The following RELN variants were observed in gnomAD, a reference collection of about 807,000 sequenced individuals.
The protein encoded by RELN is reelin.
In RELN, 108 loss-of-function variants were observed where a neutral mutation model predicts 427.6. That is an observed-to-expected ratio of 0.25 (90% CI 0.22 to 0.30). The LOEUF is 0.30. Ranked by LOEUF, RELN falls within the 10% of genes least tolerant of loss-of-function variation. The probability of loss-of-function intolerance (pLI) is 1.00; values close to 1 mark genes in which losing one functional copy is unlikely to be tolerated. For synonymous variants in RELN, 1,524 were observed against 1,513.4 expected (o/e 1.01, Z -0.16); for missense variants, 3,715 against 4,302.8 (o/e 0.86, Z 3.82).
At position 103,573,870 on chromosome 7, in the gene RELN, T is replaced by A; in HGVS notation, c.4511+222A>T. ...TGGCATACCCTAGACACACAGGCCT[T>A]GGTGATGACCACACATGGATTTATG... On this transcript the variant is annotated intron_variant, in intron 30 of 64. Coordinates refer to ENST00000428762, the MANE Select transcript of RELN (RefSeq NM_005045.4). This position sits in a 1 kb window ranked among gnomAD's most constrained non-coding sequence, Gnocchi z 4.4. 6.6e-6 allele frequency among the ~76,000 whole-genome samples: 1 copy of A among 152,158 alleles called. No individual in the cohort carries two copies. Among genetic ancestry groups the A allele is most frequent in the Non-Finnish European group, 1.5e-5 (1 of 68,026 alleles).
At chr7:103,698,975 A>G (rs988845297) in intron 9 of RELN, among the ~76,000 whole-genome samples, 1 of 152,222 alleles carries the variant, frequency 6.6e-6, no homozygotes, top group African/African-American at 2.4e-5. Context: ...CCATAATTAA[A>G]TGCTCTCACT....
intron 26 of RELN, 104 bp downstream of exon 26, chr7:103,594,217 T>C (rs1406892551): frequency 7.0e-6 from 8 of 1,145,330 alleles, no homozygotes; most frequent in Non-Finnish European, 1.1e-5. Context: ...TAAACTTATA[T>C]TATACATTCA....
chr7:103,604,592 G>T, intron 22 of RELN, 109 bp from the exon 23 acceptor site: 3 of 1,050,872 alleles, frequency 2.9e-6, no homozygotes, highest in African/African-American at 1.6e-5. Context: ...TCTGGAACTT[G>T]AGCTTAGCTG....
At chr7:103,945,948 G>T (rs1320009425) in intron 1 of RELN, among the ~76,000 whole-genome samples, 1 of 152,184 alleles carries the variant, frequency 6.6e-6, no homozygotes, top group Admixed American at 6.5e-5. Context: ...ATCTAAGTTT[G>T]TAAGTGCCGT....
intron 40 of RELN, among the ~76,000 whole-genome samples, chr7:103,552,744 C>T (rs1242628130): frequency 1.3e-5 from 2 of 152,052 alleles, no homozygotes; most frequent in African/African-American, 4.8e-5. Flanking sequence ...TCATGATCTG[C>T]CTGCCTTGGC....
intron 1 of RELN, among the ~76,000 whole-genome samples, chr7:103,936,215 C>A (rs1795980879): frequency 6.6e-6 from 1 of 151,928 alleles, no homozygotes; most frequent in African/African-American, 2.4e-5. Context: ...GCCTCAGCCA[C>A]CCAAGTAGCT....
At chr7:103,801,040 T>C (rs916963094) in intron 3 of RELN, among the ~76,000 whole-genome samples, 12 of 152,106 alleles carry the variant, frequency 7.9e-5, no homozygotes, top group East Asian at 1.9e-4. Context: ...GATACCATCT[T>C]ACACCAGTTA....
At chr7:103,922,768 T>C (rs1028164114) in intron 1 of RELN, among the ~76,000 whole-genome samples, 1 of 152,188 alleles carries the variant, frequency 6.6e-6, no homozygotes, top group Non-Finnish European at 1.5e-5. Context: ...AATTTAGACA[T>C]TTAATGATGT....
chr7:103,965,588 A>T (rs1440722429), intron 1 of RELN, among the ~76,000 whole-genome samples: 1 of 152,194 alleles, frequency 6.6e-6, no homozygotes, highest in Admixed American at 6.5e-5. Context: ...TGGTATCTTC[A>T]AGGCTTGGAC....
rs1830981074 is a variant in RELN, at chr7:103,575,647, C to T, written c.4204G>A (p.Gly1402Ser). 1.9e-6 allele frequency: 3 copies of T among 1,613,876 alleles called. No homozygotes were observed. The highest frequency in any genetic ancestry group is 8.5e-7 in the Non-Finnish European group (1 of 1,179,906). ...TCGGATATGTACACTCCATCTAAACCAAATGGAGGCACGTTTTTCTGTGAG... is the reference window on the plus strand; with the variant it reads ...TCGGATATGTACACTCCATCTAAACTAAATGGAGGCACGTTTTTCTGTGAG... ...SSSQKNVPPFGLDGVYISEPC... is the reference protein window; with the variant it reads ...SSSQKNVPPFSLDGVYISEPC... The change falls in exon 29 of 65, where the codon GGT becomes AGT. Residue 1402 changes from glycine to serine, a missense_variant. This residue lies in a region of RELN where 2,208 missense variants were observed against 2,361.7 expected (regional missense o/e 0.93). Transcript: ENST00000428762.
At chr7:103,474,006 AG>A (rs1215387631) in intron 64 of RELN, among the ~76,000 whole-genome samples, 1 of 152,088 alleles carries the variant, frequency 6.6e-6, no homozygotes, top group African/African-American at 2.4e-5. Flanking sequence ...AGGGTAGGAG[AG>A]GGGGGAAAGG....
intron 2 of RELN, among the ~76,000 whole-genome samples, chr7:103,876,506 GTTA>G (rs1424125874): frequency 8.9e-6 from 1 of 111,832 alleles, no homozygotes; most frequent in African/African-American, 2.8e-5. Flanking sequence ...TATCAAATAT[GTTA>G]TTACTAACAT....
At position 103,589,760 on chromosome 7, in the gene RELN, A is replaced by G. The variant is rs1396366680; in HGVS notation, c.3981T>C (p.Ala1327=). Residue 1327 remains alanine (A), a synonymous_variant, in exon 28 of 65, where the codon GCT becomes GCC. Coordinates refer to ENST00000428762, the MANE Select transcript of RELN (RefSeq NM_005045.4). ...CTTTCACCAGAAACCAGGACATACC[A>G]GCATCATGAGAGTACTGAAGAAGAA... ...APVLLQYSHD[A]GMSWFLVKEG... is the part of the protein sequence containing the mutation. 1.9e-6 allele frequency: 3 copies of G among 1,613,920 alleles called. No homozygotes were observed. The highest frequency in any genetic ancestry group is 2.5e-6 in the Non-Finnish European group (3 of 1,179,758).
chr7:103,671,858 T>G (rs1386396062), intron 11 of RELN, among the ~76,000 whole-genome samples: 6 of 152,162 alleles, frequency 3.9e-5, no homozygotes, highest in Non-Finnish European at 8.8e-5. Flanking sequence ...TTGTTTTACT[T>G]TAATAAAAGT....
chr7:103,652,264 T>TC (rs1399613658), intron 14 of RELN, among the ~76,000 whole-genome samples: 2 of 151,514 alleles, frequency 1.3e-5, no homozygotes, highest in African/African-American at 4.9e-5. Context: ...TTTTTTTTTT[T>TC]TCTCTCTTAG....
intron 4 of RELN, among the ~76,000 whole-genome samples, chr7:103,773,100 TTTTCTTTC>T (rs550940718): frequency 0.099 from 12,704 of 128,438 alleles, 664 homozygotes; most frequent in Middle Eastern, 0.13. Flanking sequence ...GGTTCTCCTC[TTTTCTTTC>T]TTTCTTTCTT....
At chr7:103,974,153 T>C (rs915037130) in intron 1 of RELN, among the ~76,000 whole-genome samples, 2 of 148,166 alleles carry the variant, frequency 1.3e-5, no homozygotes, top group Admixed American at 6.7e-5. Context: ...AAAAAGTAAA[T>C]GAATAAATAA....
intron 46 of RELN, among the ~76,000 whole-genome samples, chr7:103,529,134 CAA>C (rs11301890): frequency 1.3e-3 from 195 of 146,336 alleles, no homozygotes; most frequent in Admixed American, 3.0e-3. Context: ...GACTCCATCT[CAA>C]AAAAAAAAAA....
At chr7:103,485,422 A>G (rs760139827) in intron 61 of RELN, among the ~76,000 whole-genome samples, 31 of 152,180 alleles carry the variant, frequency 2.0e-4, no homozygotes, top group Admixed American at 4.6e-4. Context: ...CTTCCCATTA[A>G]TCAAACACAT....
Sources: gnomAD v4.1 joint callset for allele counts (sites outside exome capture counted in the v4.1 genomes callset) on GRCh38, gnomAD v4.1.1 for gene constraint, gnomAD v4.1.1 regional missense constraint, Gnocchi (gnomAD v3.1) non-coding constraint, MANE v1.5 for transcripts, NCBI Gene and HGNC (gene_info 2026-07-23, HGNC 2026-07-21) for gene names.